The following FANCL variants were observed in gnomAD, a reference collection of about 807,000 sequenced individuals.
FANCL encodes the protein E3 ubiquitin-protein ligase FANCL.
In FANCL, 69 loss-of-function variants were observed where a neutral mutation model predicts 59.4. The ratio of observed to expected loss-of-function variants is 1.16; its 90% CI spans 0.96 to 1.42. FANCL has a LOEUF of 1.42. Among genes scored for constraint, FANCL ranks in the 40% most tolerant of loss-of-function variants. The pLI is 0.00. For synonymous variants in FANCL, 180 were observed against 147.1 expected, an observed-to-expected ratio of 1.22 and a Z score of -1.62; for missense variants, 519 against 447.2, an observed-to-expected ratio of 1.16 and a Z score of -1.45.
chr2:58,196,598 G>A (rs1689444940), intron 7 of FANCL, among the ~76,000 whole-genome samples: 1 of 151,806 alleles, frequency 6.6e-6, no homozygotes, highest in Non-Finnish European at 1.5e-5. Flanking sequence ...CTGAGCATGT[G>A]GATATAAAAT....
intron 7 of FANCL, among the ~76,000 whole-genome samples, chr2:58,181,304 G>A (rs1687919206): frequency 6.6e-6 from 1 of 152,026 alleles, no homozygotes; most frequent in Admixed American, 6.6e-5. Flanking sequence ...GTAGGAAAGA[G>A]TACATACTGT....
chr2:58,231,273 GT>G (rs994871909), intron 2 of FANCL, among the ~76,000 whole-genome samples: 29 of 152,198 alleles, frequency 1.9e-4, no homozygotes, highest in African/African-American at 6.7e-4. Flanking sequence ...TTCATCTGTT[GT>G]AACTTCCACA....
At chr2:58,217,241 C>T (rs183970225) in intron 5 of FANCL, among the ~76,000 whole-genome samples, 3,918 of 77,142 alleles carry the variant, frequency 0.051, 214 homozygotes, top group East Asian at 0.074. Context: ...CACACACACA[C>T]ACATATATAT....
chr2:58,227,944 AAAG>A (rs1693194471), intron 3 of FANCL, among the ~76,000 whole-genome samples: 1 of 152,176 alleles, frequency 6.6e-6, no homozygotes. Context: ...AAAAAAAGAG[AAAG>A]AAGAGGTATA....
Position 58,165,287 on chromosome 2 carries a change from A to G in FANCL, c.691+437T>C, listed in dbSNP as rs973521835. Among the ~76,000 whole-genome samples the G allele has an allele frequency of 7.2e-5, 11 of 152,314 alleles. No homozygotes were observed. In the South Asian group the frequency reaches 2.1e-3, roughly 29 times the overall value. On this transcript the variant is annotated intron_variant, in intron 8 of 13. Transcript: ENST00000233741. The stretch of plus-strand genomic sequence containing the variant: ...TGCTTTCTGTTTACTCTTCAGTGGC[A>G]TGGTCTACTGCAAGTTCTTTTATCT...
intron 7 of FANCL, among the ~76,000 whole-genome samples, chr2:58,172,048 G>A (rs917034238): frequency 6.6e-6 from 1 of 152,242 alleles, no homozygotes; most frequent in Non-Finnish European, 1.5e-5. Context: ...GGCTGGGGGA[G>A]GGGCGCCCGC....
intron 7 of FANCL, among the ~76,000 whole-genome samples, chr2:58,192,967 A>AT (rs1689080335): frequency 1.3e-5 from 2 of 152,034 alleles, no homozygotes; most frequent in African/African-American, 4.8e-5. Flanking sequence ...CCACATCCTG[A>AT]TGATCAACTA....
chr2:58,241,133 T>C (rs1277761112), intron 1 of FANCL, 85 bp downstream of exon 1: 2 of 1,448,586 alleles, frequency 1.4e-6, no homozygotes, highest in African/African-American at 2.8e-5. Flanking sequence ...TCTGGGCCCC[T>C]AACCTCCTAG....
rs994932534 is a variant in FANCL, at chr2:58,159,904, G to A, written c.1093-104C>T. 3.2e-6 allele frequency: 5 copies of A among 1,553,074 alleles called. No homozygotes were observed. In the East Asian group the frequency reaches 6.8e-5, roughly 21 times the overall value. ...ATAGAATAGTGTCATAGTACAGTTT[G>A]GAAAACACTTCTGAAGTTTCAGATC... On this transcript the variant is annotated intron_variant, in intron 13 of 13. Coordinates refer to ENST00000233741, the MANE Select transcript of FANCL (RefSeq NM_018062.4).
intron 5 of FANCL, among the ~76,000 whole-genome samples, chr2:58,208,836 T>C (rs1241649831): frequency 6.6e-6 from 1 of 152,204 alleles, no homozygotes; most frequent in Non-Finnish European, 1.5e-5. Flanking sequence ...TTTAATCATA[T>C]CAATCCCTTG....
At chr2:58,160,025 G>GAT (rs1290619099) in intron 13 of FANCL, 83 bp downstream of exon 13, 3 of 1,592,274 alleles carry the variant, frequency 1.9e-6, no homozygotes, top group Non-Finnish European at 2.6e-6. Context: ...TAGATAAACT[G>GAT]ATATACTATA....
At chr2:58,201,187 G>T (rs1689978354) in intron 6 of FANCL, among the ~76,000 whole-genome samples, 1 of 151,126 alleles carries the variant, frequency 6.6e-6, no homozygotes, top group Non-Finnish European at 1.5e-5. Flanking sequence ...TCAATAATAA[G>T]TTGTATAGGT....
chr2:58,180,079 C>G (rs1687776893), intron 7 of FANCL, among the ~76,000 whole-genome samples: 1 of 152,068 alleles, frequency 6.6e-6, no homozygotes, highest in African/African-American at 2.4e-5. Flanking sequence ...ACAACAGATG[C>G]TGAAGAGGAT....
intron 5 of FANCL, among the ~76,000 whole-genome samples, chr2:58,210,149 T>C (rs1329715136): frequency 1.3e-5 from 2 of 152,186 alleles, no homozygotes; most frequent in Non-Finnish European, 2.9e-5. Context: ...ACAATAAATG[T>C]ATCTTATAAA....
chr2:58,182,189 T>G (rs1398379310), intron 7 of FANCL, among the ~76,000 whole-genome samples: 1 of 151,842 alleles, frequency 6.6e-6, no homozygotes, highest in Non-Finnish European at 1.5e-5. Context: ...TGTAACTTTT[T>G]CCACAATGAA....
chr2:58,227,402 G>C (rs1030602116), intron 3 of FANCL, among the ~76,000 whole-genome samples: 3 of 152,202 alleles, frequency 2.0e-5, no homozygotes, highest in African/African-American at 4.8e-5. Context: ...TGGAGAATGA[G>C]TGCAAGGTTT....
chr2:58,231,021 A>C (rs531675843), intron 2 of FANCL, among the ~76,000 whole-genome samples: 1 of 152,202 alleles, frequency 6.6e-6, no homozygotes, highest in Admixed American at 6.5e-5. Context: ...CATCTAACCT[A>C]TCTCTTTGTA....
intron 7 of FANCL, among the ~76,000 whole-genome samples, chr2:58,198,012 T>C (rs1250260172): frequency 2.6e-5 from 4 of 151,766 alleles, no homozygotes. Flanking sequence ...GAAGCATAAA[T>C]ATCTACAGGC....
chr2:58,180,164 C>T (rs989674983), intron 7 of FANCL, among the ~76,000 whole-genome samples: 8 of 152,086 alleles, frequency 5.3e-5, no homozygotes, highest in South Asian at 2.1e-4. Context: ...GACAGTGTGG[C>T]GATTCCTCAA....
Sources: gnomAD v4.1 joint callset for allele counts (sites outside exome capture counted in the v4.1 genomes callset) on GRCh38, gnomAD v4.1.1 for gene constraint, MANE v1.5 for transcripts, NCBI Gene and HGNC (gene_info 2026-07-23, HGNC 2026-07-21) for gene names.